The following UPF1 variants were observed in gnomAD, a reference collection of about 807,000 sequenced individuals.
UPF1 encodes the protein UPF1 RNA helicase and ATPase, also known as regulator of nonsense transcripts 1.
Under a neutral mutation model 129.2 loss-of-function variants are expected in UPF1, and 9 were observed. The observed-to-expected ratio is 0.07, with a 90% CI of 0.04 to 0.12. The LOEUF (loss-of-function observed/expected upper bound fraction) is 0.12. Among genes scored for constraint, UPF1 ranks in the 10% least tolerant of loss-of-function variants. UPF1 has a pLI of 1.00. For missense variants in UPF1, 788 were observed against 1,525.3 expected (o/e 0.52, Z 8.05); for synonymous variants, 649 against 644.9 (o/e 1.01, Z -0.10).
chr19:18,831,995 G>C lies in UPF1; in HGVS notation c.-215G>C. ...TAGGCTGCGAGCGGCTGGCGGCTTC[G>C]AGGGGAGCTGAGGCGCGGAGGGGCT... On this transcript the variant is annotated 5_prime_UTR_variant, in exon 1 of 24. Coordinates refer to ENST00000262803, the MANE Select transcript of UPF1 (RefSeq NM_002911.4). The C allele has an allele frequency of 3.2e-6, 1 of 313,318 alleles. No individual in the cohort carries two copies. Among genetic ancestry groups the C allele is most frequent in the Non-Finnish European group, 5.7e-6 (1 of 174,954 alleles). The allele number at this position is 313,318 out of a possible 1,614,324, so 19.4% of individuals were successfully genotyped here.
Position 18,832,714 on chromosome 19 carries a change from A to C in UPF1, c.231+274A>C, listed in dbSNP as rs900629384. ...TCGGCCCCCAACTCCTGGGCCGGGCAGACTTGCCTCGAGTCCTCCACTTCG... is the reference window on the plus strand; with the variant it reads ...TCGGCCCCCAACTCCTGGGCCGGGCCGACTTGCCTCGAGTCCTCCACTTCG... On this transcript the variant is annotated intron_variant, in intron 1 of 23. Coordinates refer to ENST00000262803, the MANE Select transcript of UPF1 (RefSeq NM_002911.4). This position sits in a 1 kb window ranked among gnomAD's most constrained non-coding sequence, Gnocchi z 5.6. Among the ~76,000 whole-genome samples the C allele has an allele frequency of 4.6e-5, 7 of 151,438 alleles. No individual in the cohort carries two copies. The highest frequency in any genetic ancestry group is 1.0e-4 in the Non-Finnish European group (7 of 67,824).
rs550228405 is a variant in UPF1, at chr19:18,860,522, T to A, written c.2300+84T>A. 1.0e-5 allele frequency: 14 copies of A among 1,393,402 alleles called. No homozygotes were observed. In the Admixed American group the frequency reaches 2.6e-4, roughly 26 times the overall value. The allele number at this position is 1,393,402 out of a possible 1,614,324, so 86.3% of individuals were successfully genotyped here. On this transcript the variant is annotated intron_variant, in intron 16 of 23. Transcript: ENST00000262803. ...TGACCCATTCTACTTATTTTTAACATGGGACTGAAACTTTTTTTGCCTTCA... is the reference window on the plus strand; with the variant it reads ...TGACCCATTCTACTTATTTTTAACAAGGGACTGAAACTTTTTTTGCCTTCA...
chr19:18,856,508 G>T (rs2055719654), intron 13 of UPF1, among the ~76,000 whole-genome samples: 3 of 152,270 alleles, frequency 2.0e-5, no homozygotes, highest in African/African-American at 7.2e-5. Flanking sequence ...TCCACTCCCT[G>T]CCAGCCTCCA....
chr19:18,854,921 G>T lies in UPF1; in HGVS notation c.1308G>T (p.Ser436=), dbSNP rs137917420. The T allele has an allele frequency of 8.7e-6, 14 of 1,614,232 alleles. No homozygotes were observed. Among genetic ancestry groups the T allele is most frequent in the Non-Finnish European group, 1.2e-5 (14 of 1,180,046 alleles). Residue 436 remains serine, a synonymous_variant, in exon 10 of 24, where the codon TCG becomes TCT. Transcript: ENST00000262803. ...AAACGTTTGCCGTGGATGAGACCTC[G>T]GTGTCTGGCTACATCTACCACAAGC... ...ALKTFAVDET[S]VSGYIYHKLL...
intron 9 of UPF1, 42 bp downstream of exon 9, chr19:18,854,751 AC>A (rs774565272): frequency 6.2e-7 from 1 of 1,607,282 alleles, no homozygotes; most frequent in Non-Finnish European, 8.5e-7. Flanking sequence ...CCTGGTTGCC[AC>A]CTGTGGCATC....
chr19:18,860,806 T>C lies in UPF1; in HGVS notation c.2301-20T>C, dbSNP rs1371416427. 1 of 1,611,490 alleles carries C rather than the reference T, an allele frequency of 6.2e-7. No homozygotes were observed. Among genetic ancestry groups the C allele is most frequent in the Non-Finnish European group, 8.5e-7 (1 of 1,179,506 alleles). On this transcript the variant is annotated intron_variant, in intron 16 of 23. Transcript: ENST00000262803. ...GGATCCCACAGGTGGAGCCCAGCAC[T>C]GACAGCCTGGGTTTCTTAGGACCGA...
rs142821449 is a variant in UPF1, at chr19:18,845,521, G to A, written c.232-459G>A. On this transcript the variant is annotated intron_variant, in intron 1 of 23. Coordinates refer to ENST00000262803, the MANE Select transcript of UPF1 (RefSeq NM_002911.4). ...GCTGCCTTGAAGGGATGGGGAGGGT[G>A]AGGTGGCAGTGGATGTGGCCAGTGA... Among the ~76,000 whole-genome samples, 459 of 152,318 alleles carry A rather than the reference G, an allele frequency of 3.0e-3. 2 individuals carry two copies. The Middle Eastern group carries it at 0.034, about 11-fold the overall frequency.
intron 11 of UPF1, chr19:18,855,592 G>T (rs2055708429): frequency 2.0e-6 from 1 of 499,224 alleles, no homozygotes; most frequent in East Asian, 3.7e-5. Context: ...GGGCTGTCTG[G>T]ATCTGAGCTC....
rs571531643 is a variant in UPF1 at position 18,839,727 on chromosome 19, G to C, written c.232-6253G>C. The stretch of plus-strand genomic sequence containing the variant: ...CCCTGGACTTCAGCCATCCCCTGCT[G>C]TTTTCTTACTTCCTGGCCTTGCTGT... On this transcript the variant is annotated intron_variant, in intron 1 of 23. Transcript: ENST00000262803. 5.9e-5 allele frequency among the ~76,000 whole-genome samples: 9 copies of C among 152,338 alleles called. No homozygotes were observed. In the South Asian group the frequency reaches 1.9e-3, roughly 32 times the overall value.
chr19:18,865,080 A>G lies in UPF1; in HGVS notation c.2858-209A>G, dbSNP rs1334993804. Among the ~76,000 whole-genome samples, 2 of 152,240 alleles carry G rather than the reference A, an allele frequency of 1.3e-5. No homozygotes were observed. The highest frequency in any genetic ancestry group is 3.9e-4 in the East Asian group (2 of 5,190). On this transcript the variant is annotated intron_variant, in intron 20 of 23. Coordinates refer to ENST00000262803, the MANE Select transcript of UPF1 (RefSeq NM_002911.4). This position sits in a 1 kb window ranked among gnomAD's most constrained non-coding sequence, Gnocchi z 6.1. ...TCTGTGTAGGCCAATGATTCCCAGC[A>G]GACTCTCCTCGGGGAAGGTGCCTGC...
In UPF1 at chr19:18,846,841, T is replaced by G. The variant is rs183208913; in HGVS notation, c.371+722T>G. ...CTGTCTCCACTAAAAATACAAAAAA[T>G]TAGCCAAGCATGGTGGCGGGCGCCT... On this transcript the variant is annotated intron_variant, in intron 2 of 23. Coordinates refer to ENST00000262803, the MANE Select transcript of UPF1 (RefSeq NM_002911.4). Among the ~76,000 whole-genome samples the G allele has an allele frequency of 2.0e-5, 3 of 152,242 alleles. No individual in the cohort carries two copies. In the East Asian group the frequency reaches 5.8e-4, roughly 29 times the overall value.
At chr19:18,839,600 G>A (rs867625997) in intron 1 of UPF1, among the ~76,000 whole-genome samples, 3 of 152,206 alleles carry the variant, frequency 2.0e-5, no homozygotes, top group Non-Finnish European at 4.4e-5. Flanking sequence ...GGGGAGGTCA[G>A]AAACATGGCC....
chr19:18,843,453 T>TG (rs1349496480), intron 1 of UPF1, among the ~76,000 whole-genome samples: 3 of 151,152 alleles, frequency 2.0e-5, no homozygotes, highest in Non-Finnish European at 2.9e-5. Flanking sequence ...ATGGCACATT[T>TG]GGGGGGATTT....
At chr19:18,840,815 C>T (rs1486685026) in intron 1 of UPF1, among the ~76,000 whole-genome samples, 10 of 152,300 alleles carry the variant, frequency 6.6e-5, no homozygotes, top group African/African-American at 2.4e-4. Context: ...GTCCTTGTGC[C>T]TTTTTCTGTG....
Position 18,832,272 on chromosome 19 carries a change from C to T in UPF1, c.63C>T (p.Ala21=). The T allele has an allele frequency of 1.3e-6, 2 of 1,551,220 alleles. No individual in the cohort carries two copies. The highest frequency in any genetic ancestry group is 1.7e-6 in the Non-Finnish European group (2 of 1,148,508). Reference sequence around the variant, plus strand: ...TCACTTTCCTGGACACGGAGGAGGCCGAGCTGCTTGGCGCCGACACACAGG... The same window carrying T: ...TCACTTTCCTGGACACGGAGGAGGCTGAGCTGCTTGGCGCCGACACACAGG... The part of the protein sequence containing the change: ...QTLTFLDTEE[A]ELLGADTQGS... The change falls in exon 1 of 24, where the codon GCC becomes GCT. Residue 21 remains alanine (A), a synonymous_variant. Coordinates refer to ENST00000262803, the MANE Select transcript of UPF1 (RefSeq NM_002911.4). The surrounding 1 kb of genome is among the most constrained non-coding windows in gnomAD (Gnocchi z 5.6).
At chr19:18,843,555 G>A (rs565795133) in intron 1 of UPF1, among the ~76,000 whole-genome samples, 68 of 124,980 alleles carry the variant, frequency 5.4e-4, no homozygotes, top group Non-Finnish European at 1.0e-3. Flanking sequence ...GTCTTGCTCT[G>A]TGACTCAGGC....
Position 18,864,155 on chromosome 19 carries a change from T to A in UPF1, c.2776-15T>A. 2 of 1,613,430 alleles carry A rather than the reference T, an allele frequency of 1.2e-6. No homozygotes were observed. The highest frequency in any genetic ancestry group is 1.7e-6 in the Non-Finnish European group (2 of 1,179,436). ...GTTGAGATGACAAATTCCTCACCTA[T>A]CTAAACCTTCGCAGGGAGCCCGCTT... On this transcript the variant is annotated splice_polypyrimidine_tract_variant and intron_variant, in intron 19 of 23. Coordinates refer to ENST00000262803, the MANE Select transcript of UPF1 (RefSeq NM_002911.4).
chr19:18,860,787 C>T, intron 16 of UPF1, 39 bp from the exon 17 acceptor site: 1 of 1,608,582 alleles, frequency 6.2e-7, no homozygotes, highest in East Asian at 2.2e-5. Context: ...CTCGGGATCC[C>T]ACAGGTGGAG....
intron 11 of UPF1, 192 bp downstream of exon 11, chr19:18,855,434 A>T: frequency 1.5e-6 from 1 of 675,018 alleles, no homozygotes; most frequent in Non-Finnish European, 2.5e-6. Context: ...GCATTTTAGT[A>T]ACCAGGTCTG....
Sources: allele counts gnomAD v4.1 joint callset (sites outside exome capture counted in the v4.1 genomes callset), GRCh38; gene constraint gnomAD v4.1.1; non-coding constraint Gnocchi (gnomAD v3.1); transcripts MANE v1.5; gene names NCBI Gene and HGNC (gene_info 2026-07-23, HGNC 2026-07-21).